Variants in WWOX observed in about 807,000 individuals in gnomAD.
The protein encoded by WWOX is WW domain containing oxidoreductase, also known as WW domain-containing oxidoreductase.
WWOX carries 69 observed loss-of-function variants against 46.2 expected under a neutral mutation model. The observed-to-expected ratio is 1.49, with a 90% CI of 1.23 to 1.82. The LOEUF is 1.82. WWOX is among the 40% of genes most tolerant of loss of function. The pLI, the probability that WWOX is intolerant of heterozygous loss-of-function variation, is 0.00. For missense variants in WWOX, 919 were observed against 542.6 expected (o/e 1.69, Z -6.89); for synonymous variants, 359 against 202.6 (o/e 1.77, Z -6.56).
At chr16:78,691,370 A>G (rs1306253953) in intron 8 of WWOX, 2 of 688,104 alleles carry the variant, frequency 2.9e-6, no homozygotes, top group East Asian at 5.4e-5. Flanking sequence ...GGTGACAGAA[A>G]GGAAATCTCC....
At chr16:78,463,525 A>G (rs1165607860) in intron 8 of WWOX, among the ~76,000 whole-genome samples, 2 of 152,170 alleles carry the variant, frequency 1.3e-5, no homozygotes, top group African/African-American at 4.8e-5. Context: ...GTAACTGGTC[A>G]TTTGTATTGT....
chr16:78,984,365 T>G (rs2046743965), intron 8 of WWOX, among the ~76,000 whole-genome samples: 1 of 152,200 alleles, frequency 6.6e-6, no homozygotes. Context: ...ATGTTTTCTA[T>G]AGAGGCCCGT....
intron 8 of WWOX, among the ~76,000 whole-genome samples, chr16:79,126,206 C>T (rs1438134248): frequency 6.6e-6 from 1 of 151,868 alleles, no homozygotes; most frequent in East Asian, 1.9e-4. Flanking sequence ...TGGAACCAAG[C>T]AGAGCTTGGG....
intron 6 of WWOX, among the ~76,000 whole-genome samples, chr16:78,391,935 A>G (rs1173126478): frequency 6.6e-6 from 1 of 151,646 alleles, no homozygotes; most frequent in Non-Finnish European, 1.5e-5. Flanking sequence ...CTCATAGTTA[A>G]TTTGTTTGAA....
intron 8 of WWOX, among the ~76,000 whole-genome samples, chr16:78,834,969 T>A (rs1156913141): frequency 6.6e-6 from 1 of 152,226 alleles, no homozygotes. Flanking sequence ...AACCAGACAC[T>A]GTGCTGAGTG....
rs183322091 is a variant in WWOX at position 78,247,824 on chromosome 16, G to T, written c.516+83535G>T. On this transcript the variant is annotated intron_variant, in intron 5 of 8. Transcript: ENST00000566780. ...CTCACCCAAGCAGGCATTGATGGAG[G>T]TCTCATACTTTACTGAAGATGTGAG... Among the ~76,000 whole-genome samples the T allele has an allele frequency of 7.6e-4, 115 of 152,246 alleles. 1 individual carries two copies. In the East Asian group the frequency reaches 7.7e-3, roughly 10 times the overall value.
At chr16:79,203,623 T>C (rs2051414816) in intron 8 of WWOX, 1 of 151,772 alleles carries the variant, frequency 6.6e-6, no homozygotes, top group South Asian at 2.1e-4. Context: ...CGTCCTGAAA[T>C]CCTCCCTGCT....
At chr16:78,966,122 C>T (rs771031827) in intron 8 of WWOX, among the ~76,000 whole-genome samples, 2 of 152,148 alleles carry the variant, frequency 1.3e-5, no homozygotes, top group Non-Finnish European at 2.9e-5. Context: ...AGCTAAAGAA[C>T]CTAGCTTTAC....
intron 8 of WWOX, among the ~76,000 whole-genome samples, chr16:78,579,489 G>A (rs757115408): frequency 6.6e-6 from 1 of 152,082 alleles, no homozygotes; most frequent in Non-Finnish European, 1.5e-5. Context: ...TATAAACCAG[G>A]GGGTAGGAAA....
At chr16:78,384,425 T>G (rs2082018630) in intron 5 of WWOX, among the ~76,000 whole-genome samples, 2 of 152,172 alleles carry the variant, frequency 1.3e-5, no homozygotes, top group Non-Finnish European at 2.9e-5. Context: ...ACATTTACAC[T>G]TTGAAAATAT....
chr16:78,114,186 C>T (rs2032652189), intron 3 of WWOX, among the ~76,000 whole-genome samples: 1 of 147,656 alleles, frequency 6.8e-6, no homozygotes, highest in Admixed American at 6.9e-5. Context: ...CAGCTTTGAT[C>T]TCTTAGGCTC....
At chr16:78,354,528 T>A (rs1348298445) in intron 5 of WWOX, among the ~76,000 whole-genome samples, 2 of 152,146 alleles carry the variant, frequency 1.3e-5, no homozygotes, top group African/African-American at 4.8e-5. Flanking sequence ...TGGAAAACAT[T>A]TCTAGTTTAG....
chr16:78,421,247 G>A (rs1366544086), intron 6 of WWOX, among the ~76,000 whole-genome samples: 1 of 152,152 alleles, frequency 6.6e-6, no homozygotes, highest in Non-Finnish European at 1.5e-5. Flanking sequence ...AAATCAAGTG[G>A]TTTGCAGCGT....
Position 79,139,054 on chromosome 16 carries a change from C to T in WWOX, c.1057-72554C>T, listed in dbSNP as rs539972584. Reference sequence around the variant, plus strand: ...ACTGCCCTGAACGAAGATAGATGGTCCCCCCTCAGCGTTCACACATGGTTC... The same window carrying T: ...ACTGCCCTGAACGAAGATAGATGGTTCCCCCTCAGCGTTCACACATGGTTC... On this transcript the variant is annotated intron_variant, in intron 8 of 8. Coordinates refer to ENST00000566780, the MANE Select transcript of WWOX (RefSeq NM_016373.4). Among the ~76,000 whole-genome samples, 137 of 152,238 alleles carry T rather than the reference C, an allele frequency of 9.0e-4. 1 individual carries two copies. Among genetic ancestry groups the T allele is most frequent in the South Asian group, 1.5e-3 (7 of 4,816 alleles).
At chr16:78,183,232 C>T (rs146777379) in intron 5 of WWOX, among the ~76,000 whole-genome samples, 1 of 152,218 alleles carries the variant, frequency 6.6e-6, no homozygotes, top group East Asian at 1.9e-4. Flanking sequence ...ATAATATCTA[C>T]CACCCACTAG....
At chr16:78,517,169 G>C (rs1311436678) in intron 8 of WWOX, among the ~76,000 whole-genome samples, 1 of 152,146 alleles carries the variant, frequency 6.6e-6, no homozygotes, top group Admixed American at 6.5e-5. Context: ...CATTTTATAG[G>C]AGTGTGAATG....
intron 8 of WWOX, among the ~76,000 whole-genome samples, chr16:79,035,781 C>T (rs912407155): frequency 6.6e-6 from 1 of 152,012 alleles, no homozygotes; most frequent in Admixed American, 6.6e-5. Flanking sequence ...TCAGGTGTTC[C>T]AAGAACAAAA....
intron 8 of WWOX, among the ~76,000 whole-genome samples, chr16:79,011,459 T>TTTTTTTTATTTATTTATTTA (rs533216805): frequency 7.6e-6 from 1 of 131,978 alleles, no homozygotes; most frequent in Non-Finnish European, 1.6e-5. Flanking sequence ...TTATTTTTTA[T>TTTTTTTTATTTATTTATTTA]TTTATTTATT....
intron 8 of WWOX, among the ~76,000 whole-genome samples, chr16:79,208,679 C>T (rs145941566): frequency 6.6e-6 from 1 of 151,590 alleles, no homozygotes; most frequent in African/African-American, 2.4e-5. Flanking sequence ...ATTGGCAGTA[C>T]CTGCTTGTTT....
Sources: allele counts gnomAD v4.1 joint callset (sites outside exome capture counted in the v4.1 genomes callset), GRCh38; gene constraint gnomAD v4.1.1; transcripts MANE v1.5; gene names NCBI Gene and HGNC (gene_info 2026-07-23, HGNC 2026-07-21).